COA7: variants seen among roughly 807,000 people sequenced by gnomAD.
COA7 encodes the protein Sel1 repeat containing 1.
Under a neutral mutation model 21.0 loss-of-function variants are expected in COA7, and 12 were observed. The observed-to-expected ratio is 0.57, with a 90% CI of 0.37 to 0.92. The LOEUF is 0.92. Ranked by LOEUF, COA7 falls within the 40% of genes least tolerant of loss-of-function variation. The probability of loss-of-function intolerance (pLI) is 0.01; values close to 1 mark genes in which losing one functional copy is unlikely to be tolerated. For synonymous variants in COA7, 95 were observed against 107.4 expected, an observed-to-expected ratio of 0.88 and a Z score of 0.72; for missense variants, 240 against 286.1, an observed-to-expected ratio of 0.84 and a Z score of 1.16.
At chr1:52,688,261 G>A in intron 2 of COA7, 93 bp from the exon 3 acceptor site, 2 of 837,630 alleles carry the variant, frequency 2.4e-6, no homozygotes, top group South Asian at 3.6e-5. Flanking sequence ...TTTTTTTTTT[G>A]GAGAAAGGGT....
intron 1 of COA7, among the ~76,000 whole-genome samples, chr1:52,695,370 C>T (rs967945779): frequency 5.4e-4 from 81 of 149,824 alleles, no homozygotes; most frequent in African/African-American, 1.9e-3. Flanking sequence ...GAGGCTGGGG[C>T]AGGAGAAGTA....
intron 1 of COA7, chr1:52,697,786 A>G: frequency 6.4e-6 from 1 of 155,394 alleles, no homozygotes; most frequent in South Asian, 1.8e-4. Flanking sequence ...GTTAGCCAGG[A>G]TGGTTTCGAT....
At chr1:52,691,472 T>C (rs112293251) in intron 2 of COA7, among the ~76,000 whole-genome samples, 1 of 53,874 alleles carries the variant, frequency 1.9e-5, no homozygotes, top group Admixed American at 1.4e-4. Flanking sequence ...GTGTGTGTGT[T>C]TTTTTTTTTT....
chr1:52,692,922 G>A (rs1644058613), intron 1 of COA7, 55 bp from the exon 2 acceptor site: 29 of 1,603,422 alleles, frequency 1.8e-5, no homozygotes, highest in Non-Finnish European at 2.2e-5. Flanking sequence ...GCTCGCAGTG[G>A]GGACTTGGGG....
At chr1:52,697,507 A>G (rs1644092252) in intron 1 of COA7, among the ~76,000 whole-genome samples, 1 of 152,188 alleles carries the variant, frequency 6.6e-6, no homozygotes, top group Non-Finnish European at 1.5e-5. Flanking sequence ...CACTCAATTT[A>G]AAACTGCCCT....
intron 1 of COA7, among the ~76,000 whole-genome samples, chr1:52,693,574 CCA>C (rs1295917689): frequency 1.3e-5 from 2 of 149,772 alleles, no homozygotes; most frequent in Admixed American, 1.3e-4. Context: ...CCACTGCACT[CCA>C]GCCTGGGTGA....
rs761860548 is a variant in COA7 at position 52,688,139 on chromosome 1, C to A, written c.277G>T (p.Ala93Ser). Residue 93 changes from alanine (A) to serine (S), a missense_variant, in exon 3 of 3, where the codon GCC (alanine) becomes TCC (serine). Ala to Ser is a moderately conservative substitution (Grantham distance 99, BLOSUM62 1). This residue lies in a region of COA7 where 163 missense variants were observed against 214.1 expected (regional missense o/e 0.76). Coordinates refer to ENST00000371538, the MANE Select transcript of COA7 (RefSeq NM_023077.3). ...TCACACGCCATCAAAAAGCACCTGG[C>A]GGCAGCTTTCAGGTCCTGGGTCAGA... ...GGLTQDLKAA[A>S]RCFLMACEKP... The A allele has an allele frequency of 1.2e-6, 2 of 1,612,284 alleles. No individual in the cohort carries two copies. Among genetic ancestry groups the A allele is most frequent in the Non-Finnish European group, 1.7e-6 (2 of 1,180,008 alleles).
Position 52,687,941 on chromosome 1 carries a change from G to A in COA7, c.475C>T (p.Gln159Ter), listed in dbSNP as rs777132918. Residue 159 changes from glutamine to a stop codon, truncating the protein, a stop_gained, in exon 3 of 3, where the codon CAG (glutamine) becomes TAG (stop). Coordinates refer to ENST00000371538, the MANE Select transcript of COA7 (RefSeq NM_023077.3). LOFTEE classifies it high-confidence loss of function. The part of the protein sequence containing the change: ...SCFNLSAMFL[Q>*]GAPGFPKDMD... ...TCCTTGGGAAAGCCTGGGGCACCCT[G>A]CAGGAACATGGCACTGAGGTTGAAG... 6.2e-7 allele frequency: 1 copy of A among 1,614,180 alleles called. No individual in the cohort carries two copies. Among genetic ancestry groups the A allele is most frequent in the Admixed American group, 1.7e-5 (1 of 60,028 alleles).
chr1:52,689,484 A>T (rs1644028808), intron 2 of COA7, among the ~76,000 whole-genome samples: 1 of 151,612 alleles, frequency 6.6e-6, no homozygotes, highest in Non-Finnish European at 1.5e-5. Flanking sequence ...TTTTTTTTTA[A>T]GCTCATCAGC....
intron 1 of COA7, among the ~76,000 whole-genome samples, chr1:52,694,305 G>A (rs1040991442): frequency 2.6e-5 from 4 of 151,868 alleles, no homozygotes; most frequent in Non-Finnish European, 5.9e-5. Context: ...CTAAAAATAC[G>A]AAAATATTAG....
intron 1 of COA7, among the ~76,000 whole-genome samples, chr1:52,695,139 C>T (rs544151345): frequency 8.6e-5 from 13 of 152,046 alleles, no homozygotes; most frequent in Non-Finnish European, 1.8e-4. Context: ...ACTAAAAATA[C>T]AAAAATTAGC....
At chr1:52,689,472 AT>A (rs373201684) in intron 2 of COA7, among the ~76,000 whole-genome samples, 37 of 148,160 alleles carry the variant, frequency 2.5e-4, no homozygotes, top group Admixed American at 1.4e-3. Flanking sequence ...TTTTTTTGTG[AT>A]TTTTTTTTTA....
chr1:52,695,793 G>GT (rs1644079886), intron 1 of COA7, among the ~76,000 whole-genome samples: 1 of 152,108 alleles, frequency 6.6e-6, no homozygotes, highest in African/African-American at 2.4e-5. Flanking sequence ...AGTCGCTACG[G>GT]TAACTATAGC....
intron 1 of COA7, among the ~76,000 whole-genome samples, chr1:52,695,276 A>G (rs929163098): frequency 1.4e-5 from 2 of 141,548 alleles, no homozygotes; most frequent in African/African-American, 2.6e-5. Flanking sequence ...CCTGGGCAAC[A>G]GAGCAAGACT....
intron 2 of COA7, 64 bp from the exon 3 acceptor site, chr1:52,688,232 C>A: frequency 6.1e-6 from 8 of 1,311,210 alleles, no homozygotes; most frequent in African/African-American, 3.0e-5. Flanking sequence ...TGTCTCAGGC[C>A]AAAGTCAGTG....
intron 1 of COA7, among the ~76,000 whole-genome samples, chr1:52,695,297 G>GAAAA (rs35222338): frequency 1.5e-5 from 1 of 68,214 alleles, no homozygotes; most frequent in African/African-American, 5.7e-5. Flanking sequence ...CAGCCTCAGG[G>GAAAA]AAAAAAAAAA....
chr1:52,691,638 ATTT>A (rs561133091), intron 2 of COA7, among the ~76,000 whole-genome samples: 2 of 150,102 alleles, frequency 1.3e-5, no homozygotes, highest in African/African-American at 4.9e-5. Flanking sequence ...CGCCCAGCTA[ATTT>A]TTTTTTGTAT....
chr1:52,691,857 A>G (rs1644049404), intron 2 of COA7, among the ~76,000 whole-genome samples: 1 of 152,180 alleles, frequency 6.6e-6, no homozygotes, highest in South Asian at 2.1e-4. Flanking sequence ...CCCTTAGTGT[A>G]GGCTACATCT....
intron 2 of COA7, 85 bp from the exon 3 acceptor site, chr1:52,688,253 T>C (rs1270650753): frequency 1.7e-6 from 2 of 1,189,428 alleles, no homozygotes; most frequent in African/African-American, 3.1e-5. Context: ...AATTTTTTTT[T>C]TTTTTTTGGA....
Sources: allele counts gnomAD v4.1 joint callset (sites outside exome capture counted in the v4.1 genomes callset), GRCh38; gene constraint gnomAD v4.1.1; regional missense constraint gnomAD v4.1.1; transcripts MANE v1.5; gene names NCBI Gene and HGNC (gene_info 2026-07-23, HGNC 2026-07-21).